The following RERE variants were observed in gnomAD, a reference collection of about 807,000 sequenced individuals.
RERE encodes the protein arginine-glutamic acid dipeptide repeats protein.
A neutral mutation model predicts 146.1 loss-of-function variants in RERE; 40 were observed. The observed-to-expected ratio is 0.27, with a 90% CI of 0.21 to 0.36. RERE has a LOEUF of 0.36. Among genes scored for constraint, RERE ranks in the 10% least tolerant of loss-of-function variants. RERE has a pLI of 1.00. For missense variants in RERE, 1,933 were observed against 2,138.7 expected, an observed-to-expected ratio of 0.90 and a Z score of 1.90; for synonymous variants, 1,003 against 866.0, an observed-to-expected ratio of 1.16 and a Z score of -2.78.
chr1:8,766,576 A>G (rs985859073), intron 1 of RERE, among the ~76,000 whole-genome samples: 1 of 151,348 alleles, frequency 6.6e-6, no homozygotes, highest in Non-Finnish European at 1.5e-5. Context: ...AAAGAAAAAA[A>G]AGAGAGAGAG....
At chr1:8,654,968 G>A (rs1045454450) in intron 2 of RERE, among the ~76,000 whole-genome samples, 12 of 152,096 alleles carry the variant, frequency 7.9e-5, no homozygotes, top group African/African-American at 1.7e-4. Context: ...AAATGAAAAG[G>A]AAAGGCTTTG....
chr1:8,374,314 G>A (rs1337856396), intron 12 of RERE, among the ~76,000 whole-genome samples: 1 of 152,146 alleles, frequency 6.6e-6, no homozygotes, highest in African/African-American at 2.4e-5. Context: ...CACTCATGAA[G>A]ATGTTCCTTA....
At chr1:8,596,857 C>T (rs1237532306) in intron 4 of RERE, among the ~76,000 whole-genome samples, 1 of 152,112 alleles carries the variant, frequency 6.6e-6, no homozygotes, top group Admixed American at 6.5e-5. Context: ...ATTTACCACA[C>T]AGCGTGTCTA....
intron 10 of RERE, among the ~76,000 whole-genome samples, chr1:8,479,297 AAATTTTTTTTAAATTTTTT>A (rs1482815334): frequency 2.0e-5 from 3 of 151,442 alleles, no homozygotes; most frequent in African/African-American, 7.3e-5. Context: ...GCTATTTTTT[AAATTTTTTTTAAATTTTTT>A]TTAAATTTCA....
Position 8,359,802 on chromosome 1 carries a change from G to A in RERE, c.3580C>T (p.Arg1194Trp), listed in dbSNP as rs772538197. Residue 1194 changes from arginine (R) to tryptophan (W), a missense_variant, in exon 19 of 23, where the codon CGG becomes TGG. Arg to Trp is a moderately radical substitution (Grantham distance 101). Coordinates refer to ENST00000400908, the MANE Select transcript of RERE (RefSeq NM_001042681.2). ...REKEKEKERE[R>W]EREREREAER... ...GCCTCGCGCTCCCGCTCTCGCTCCC[G>A]CTCCCGCTCCTTCTCCTTCTCCTTC... is the stretch of plus-strand genomic sequence containing the variant. 13 of 1,604,052 alleles carry A rather than the reference G, an allele frequency of 8.1e-6. No individual in the cohort carries two copies. Among genetic ancestry groups the A allele is most frequent in the African/African-American group, 4.0e-5 (3 of 74,732 alleles).
intron 4 of RERE, among the ~76,000 whole-genome samples, chr1:8,600,013 G>A (rs977064388): frequency 1.3e-5 from 2 of 152,170 alleles, no homozygotes; most frequent in Non-Finnish European, 2.9e-5. Context: ...TGCCAAGGAC[G>A]GGGGCTGGGT....
intron 4 of RERE, among the ~76,000 whole-genome samples, chr1:8,595,917 T>C (rs570031082): frequency 6.6e-6 from 1 of 152,338 alleles, no homozygotes; most frequent in Admixed American, 6.5e-5. Context: ...AGAAAGCAAG[T>C]AAGTTTTGGA....
rs5772324 is a variant in RERE, at chr1:8,416,586, CAAAAAAAAAA to C, written c.1284+6131_1284+6140del. On this transcript the variant is annotated intron_variant, in intron 12 of 22. Transcript: ENST00000400908. ...GGGCGACAGAGCGAGACTCCATCTC[CAAAAAAAAAA>C]AAAAAAGAAAAGAAAAGAAAAGAAA... Among the ~76,000 whole-genome samples, 430 of 105,950 alleles carry C rather than the reference CAAAAAAAAAA, an allele frequency of 4.1e-3. 1 individual carries two copies. Among genetic ancestry groups the C allele is most frequent in the Admixed American group, 6.1e-3 (59 of 9,714 alleles). 69.5% of individuals were successfully genotyped at this position (105,950 alleles called of 152,430 possible).
chr1:8,746,104 C>T (rs1051324461), intron 1 of RERE, among the ~76,000 whole-genome samples: 1 of 152,182 alleles, frequency 6.6e-6, no homozygotes, highest in South Asian at 2.1e-4. Flanking sequence ...TTTTGAAAGG[C>T]CCAGTTTAAA....
At chr1:8,370,922 G>C (rs1642012489) in intron 12 of RERE, among the ~76,000 whole-genome samples, 1 of 152,232 alleles carries the variant, frequency 6.6e-6, no homozygotes, top group Admixed American at 6.5e-5. Context: ...TCCTGATTTT[G>C]CCTGCAAGCA....
chr1:8,625,406 G>A (rs570948727), intron 2 of RERE, among the ~76,000 whole-genome samples: 2 of 152,288 alleles, frequency 1.3e-5, no homozygotes, highest in South Asian at 2.1e-4. Flanking sequence ...GAAAGTCTAC[G>A]TATTATTTAC....
At chr1:8,408,086 G>T (rs1393735470) in intron 12 of RERE, among the ~76,000 whole-genome samples, 1 of 152,142 alleles carries the variant, frequency 6.6e-6, no homozygotes, top group Non-Finnish European at 1.5e-5. Flanking sequence ...AACACAGAGG[G>T]AGAACATAGC....
chr1:8,452,475 G>C (rs1644400185), intron 11 of RERE, among the ~76,000 whole-genome samples: 1 of 152,192 alleles, frequency 6.6e-6, no homozygotes, highest in Admixed American at 6.5e-5. Context: ...AACAAATGCT[G>C]TTTGTTTAAA....
intron 12 of RERE, among the ~76,000 whole-genome samples, chr1:8,401,239 G>T (rs1302287919): frequency 6.7e-6 from 1 of 149,382 alleles, no homozygotes; most frequent in East Asian, 1.9e-4. Context: ...ATATTACGTA[G>T]CAAACTGCAT....
intron 11 of RERE, among the ~76,000 whole-genome samples, chr1:8,456,279 G>C (rs1644452351): frequency 6.6e-6 from 1 of 152,180 alleles, no homozygotes; most frequent in African/African-American, 2.4e-5. Flanking sequence ...ATTAAAATTT[G>C]TCAGGACAGG....
At chr1:8,602,707 TACAC>T (rs1265707130) in intron 4 of RERE, among the ~76,000 whole-genome samples, 1 of 152,082 alleles carries the variant, frequency 6.6e-6, no homozygotes, top group Admixed American at 6.6e-5. Flanking sequence ...CCAAAAAACT[TACAC>T]ACAGCAGATT....
intron 1 of RERE, among the ~76,000 whole-genome samples, chr1:8,758,535 G>A (rs1356246932): frequency 6.6e-6 from 1 of 151,770 alleles, no homozygotes; most frequent in Non-Finnish European, 1.5e-5. Flanking sequence ...GGGACTACAG[G>A]TGTGCGCCAC....
intron 1 of RERE, among the ~76,000 whole-genome samples, chr1:8,667,429 T>C (rs761959567): frequency 5.3e-5 from 8 of 152,166 alleles, no homozygotes; most frequent in Non-Finnish European, 8.8e-5. Flanking sequence ...AATCCCAGCA[T>C]GTTCGGGGGG....
intron 9 of RERE, 81 bp from the exon 10 acceptor site, chr1:8,495,243 T>C: frequency 9.6e-7 from 1 of 1,037,872 alleles, no homozygotes; most frequent in Non-Finnish European, 1.5e-6. Flanking sequence ...TCAGAGGACA[T>C]TTCCAGCCCA....
Sources: allele counts gnomAD v4.1 joint callset (sites outside exome capture counted in the v4.1 genomes callset), GRCh38; gene constraint gnomAD v4.1.1; transcripts MANE v1.5; gene names NCBI Gene and HGNC (gene_info 2026-07-23, HGNC 2026-07-21).